Variants in USP13 observed in about 807,000 individuals in gnomAD.
USP13 encodes ubiquitin specific peptidase 13.
In USP13, 68 loss-of-function variants were observed where a neutral mutation model predicts 107.8. That is an observed-to-expected ratio of 0.63 (90% confidence interval 0.52 to 0.77). The LOEUF is 0.77. USP13 is among the 30% of genes least tolerant of loss of function. The pLI, the probability that USP13 is intolerant of heterozygous loss-of-function variation, is 0.00. For missense variants in USP13, 945 were observed against 1,093.3 expected (o/e 0.86, Z 1.91); for synonymous variants, 377 against 389.5 (o/e 0.97, Z 0.38).
At chr3:179,764,249 G>A (rs1715104534) in intron 18 of USP13, 81 bp downstream of exon 18, 2 of 1,491,116 alleles carry the variant, frequency 1.3e-6, no homozygotes, top group East Asian at 2.4e-5. Context: ...ACTTTCCAAT[G>A]TACTTTGATC....
intron 3 of USP13, among the ~76,000 whole-genome samples, chr3:179,694,801 A>AAG (rs1338475698): frequency 0.047 from 2,225 of 47,426 alleles, 47 homozygotes; most frequent in African/African-American, 0.14. Flanking sequence ...CTCCATCTCA[A>AAG]AAAAAAAAAA....
In USP13 at chr3:179,740,304, C is replaced by G; in HGVS notation, c.1312C>G (p.Pro438Ala). 1 of 1,614,064 alleles carries G rather than the reference C, an allele frequency of 6.2e-7. No homozygotes were observed. Among genetic ancestry groups the G allele is most frequent in the Non-Finnish European group, 8.5e-7 (1 of 1,180,016 alleles). Residue 438 changes from proline to alanine, a missense_variant, in exon 11 of 21, where the codon CCG becomes GCG. Transcript: ENST00000263966. Reference sequence around the variant, plus strand: ...TAAGGCCTTTGTAAGCAAGAGCCACCCGGAATTCTCCTCTAACAGGCAGCA... The same window carrying G: ...TAAGGCCTTTGTAAGCAAGAGCCACGCGGAATTCTCCTCTAACAGGCAGCA... ...MFKAFVSKSH[P>A]EFSSNRQQDA... is the part of the protein sequence containing the mutation.
Position 179,784,914 on chromosome 3 carries a change from C to G in USP13, c.*773C>G, listed in dbSNP as rs957253933. On this transcript the variant is annotated 3_prime_UTR_variant, in exon 21 of 21. Coordinates refer to ENST00000263966, the MANE Select transcript of USP13 (RefSeq NM_003940.3). ...AGGAACCTTCGAGAAGATTAGTTCCCCACTTAGATTTTTAAGGAGTAAAAA... is the reference window on the plus strand; with the variant it reads ...AGGAACCTTCGAGAAGATTAGTTCCGCACTTAGATTTTTAAGGAGTAAAAA... 3 of 152,100 alleles carry G rather than the reference C, an allele frequency of 2.0e-5. No homozygotes were observed. The highest frequency in any genetic ancestry group is 7.2e-5 in the African/African-American group (3 of 41,408). The allele number at this position is 152,100 out of a possible 1,614,324, so 9.4% of individuals were successfully genotyped here.
chr3:179,738,973 A>G (rs958708564), intron 10 of USP13, among the ~76,000 whole-genome samples: 2 of 152,122 alleles, frequency 1.3e-5, no homozygotes, highest in Admixed American at 6.6e-5. Flanking sequence ...TCACTTGCCA[A>G]GTGCTGGTGG....
chr3:179,727,555 C>T (rs1039146310), intron 8 of USP13, among the ~76,000 whole-genome samples: 1 of 116,558 alleles, frequency 8.6e-6, no homozygotes, highest in Non-Finnish European at 1.9e-5. Context: ...AAAAGTCTCC[C>T]ACGTCTACCT....
chr3:179,767,414 G>A (rs770341076), intron 19 of USP13, among the ~76,000 whole-genome samples: 33 of 150,432 alleles, frequency 2.2e-4, no homozygotes, highest in Non-Finnish European at 3.7e-4. Context: ...GTAATGCATT[G>A]TTAGTTTTTT....
intron 1 of USP13, among the ~76,000 whole-genome samples, chr3:179,659,364 T>C (rs6789674): frequency 0.05 from 7,546 of 152,270 alleles, 232 homozygotes; most frequent in Non-Finnish European, 0.055. Flanking sequence ...ATCTCACATG[T>C]ATATAGAGCA....
chr3:179,740,452 A>T (rs1576967681), intron 11 of USP13, 80 bp downstream of exon 11: 1 of 1,573,790 alleles, frequency 6.4e-7, no homozygotes, highest in African/African-American at 1.3e-5. Context: ...CTGTGGCTTG[A>T]TCAGAATGCC....
intron 5 of USP13, among the ~76,000 whole-genome samples, chr3:179,707,468 C>T (rs929799276): frequency 3.3e-5 from 5 of 152,176 alleles, no homozygotes; most frequent in African/African-American, 1.2e-4. Flanking sequence ...TTTTCTGCCC[C>T]TGCAGGTGGG....
At chr3:179,751,494 A>G (rs981835439) in intron 13 of USP13, among the ~76,000 whole-genome samples, 1 of 152,156 alleles carries the variant, frequency 6.6e-6, no homozygotes, top group African/African-American at 2.4e-5. Context: ...GCTATAAGAC[A>G]GTGACTCTGT....
In USP13 at chr3:179,786,766, T is replaced by A; in HGVS notation, c.*2625T>A. On this transcript the variant is annotated 3_prime_UTR_variant, in exon 21 of 21. Coordinates refer to ENST00000263966, the MANE Select transcript of USP13 (RefSeq NM_003940.3). Reference sequence around the variant, plus strand: ...TGAAAAGTGGAATAACGTGTGGATTTTGTCAACTCATTATCAGTCTGTTAG... The same window carrying A: ...TGAAAAGTGGAATAACGTGTGGATTATGTCAACTCATTATCAGTCTGTTAG... The A allele has an allele frequency of 6.6e-6, 1 of 152,250 alleles. No homozygotes were observed. 9.4% of individuals were successfully genotyped at this position (152,250 alleles called of 1,614,324 possible).
At position 179,721,295 on chromosome 3, in the gene USP13, G is replaced by GA. The variant is rs1008768015; in HGVS notation, c.901-100dup. 6.4e-6 allele frequency: 8 copies of GA among 1,255,628 alleles called. No homozygotes were observed. The East Asian group carries it at 1.2e-4, about 19-fold the overall frequency. The allele number at this position is 1,255,628 out of a possible 1,614,324, so 77.8% of individuals were successfully genotyped here. ...TTGTTTATTTCTCTATGTAATTGGG[G>GA]AAAAAAATGGCAGAAACATCCTATG... is the stretch of plus-strand genomic sequence containing the variant. On this transcript the variant is annotated intron_variant, in intron 7 of 20. Coordinates refer to ENST00000263966, the MANE Select transcript of USP13 (RefSeq NM_003940.3). This position sits in a 1 kb window ranked among gnomAD's most constrained non-coding sequence, Gnocchi z 4.3.
At chr3:179,745,758 A>G (rs1455099482) in intron 13 of USP13, among the ~76,000 whole-genome samples, 3 of 152,174 alleles carry the variant, frequency 2.0e-5, no homozygotes, top group Non-Finnish European at 2.9e-5. Context: ...TTGGTTGGCT[A>G]TGTTTCTCCT....
Position 179,678,136 on chromosome 3 carries a change from G to A in USP13, c.169-3742G>A, listed in dbSNP as rs943431296. Reference sequence around the variant, plus strand: ...GTGACAGAGCATGACCTCTATTACAGATCCCATATTTTCCCCAGTAAATCT... The same window carrying A: ...GTGACAGAGCATGACCTCTATTACAAATCCCATATTTTCCCCAGTAAATCT... On this transcript the variant is annotated intron_variant, in intron 1 of 20. Coordinates refer to ENST00000263966, the MANE Select transcript of USP13 (RefSeq NM_003940.3). The surrounding 1 kb of genome is among the most constrained non-coding windows in gnomAD (Gnocchi z 4.2). 5.3e-5 allele frequency among the ~76,000 whole-genome samples: 8 copies of A among 152,106 alleles called. No homozygotes were observed. The highest frequency in any genetic ancestry group is 1.2e-4 in the Non-Finnish European group (8 of 68,032).
chr3:179,734,552 G>T (rs965791012), intron 10 of USP13, among the ~76,000 whole-genome samples: 1 of 152,182 alleles, frequency 6.6e-6, no homozygotes, highest in Non-Finnish European at 1.5e-5. Flanking sequence ...CCAGTGTTCT[G>T]CTTCAAGGTG....
rs111785977 is a variant in USP13, at chr3:179,740,392, G to T, written c.1380+20G>T. The stretch of plus-strand genomic sequence containing the variant: ...GTAGAGGTGAGTAGTCAGTCTTCAC[G>T]GATGCTCAGCGGGGTTGTAAGAGGG... On this transcript the variant is annotated intron_variant, in intron 11 of 20. Transcript: ENST00000263966. 11 of 1,613,738 alleles carry T rather than the reference G, an allele frequency of 6.8e-6. No individual in the cohort carries two copies. The African/African-American group carries it at 1.1e-4, about 16-fold the overall frequency.
chr3:179,754,979 T>C (rs1289041677), intron 15 of USP13, 125 bp downstream of exon 15: 16 of 1,310,634 alleles, frequency 1.2e-5, no homozygotes, highest in Non-Finnish European at 1.6e-5. Context: ...TGCCTTGCTG[T>C]GATGTAACCC....
At chr3:179,687,336 G>T (rs1254231751) in intron 2 of USP13, among the ~76,000 whole-genome samples, 1 of 151,976 alleles carries the variant, frequency 6.6e-6, no homozygotes, top group African/African-American at 2.4e-5. Context: ...CATTCCTGCT[G>T]TTCTTGTCTG....
intron 13 of USP13, among the ~76,000 whole-genome samples, chr3:179,747,850 G>C (rs13097298): frequency 0.45 from 68,198 of 152,066 alleles, 15,613 homozygotes; most frequent in East Asian, 0.65. Flanking sequence ...CTAGAATCCT[G>C]GAGGAGGGGT....
Sources: allele counts gnomAD v4.1 joint callset (sites outside exome capture counted in the v4.1 genomes callset), GRCh38; gene constraint gnomAD v4.1.1; non-coding constraint Gnocchi (gnomAD v3.1); transcripts MANE v1.5; gene names NCBI Gene and HGNC (gene_info 2026-07-23, HGNC 2026-07-21).